The following METTL15 variants were observed in gnomAD, a reference collection of about 807,000 sequenced individuals.
METTL15 encodes methyltransferase 15, mitochondrial 12S rRNA N4-cytidine.
In METTL15, 34 loss-of-function variants were observed where a neutral mutation model predicts 38.3. The ratio of observed to expected loss-of-function variants is 0.89; its 90% CI spans 0.68 to 1.18. The LOEUF (loss-of-function observed/expected upper bound fraction) is 1.18, where lower values mean the gene tolerates loss of function less well. METTL15 is among the 50% of genes most tolerant of loss of function. The pLI is 0.00. For missense variants in METTL15, 438 were observed against 498.4 expected (o/e 0.88, Z 1.15); for synonymous variants, 162 against 170.9 (o/e 0.95, Z 0.41).
rs563036417 is a variant in METTL15 at position 28,399,278 on chromosome 11, C to T, written c.*359-25021C>T. On this transcript the variant is annotated intron_variant and NMD_transcript_variant, in intron 5 of 7. Coordinates refer to the METTL15 transcript ENST00000532947. Reference sequence around the variant, plus strand: ...AAACTGAAACTGGACCCCTTCCTTACACCTTACACAAAAATTAACTCAAGA... The same window carrying T: ...AAACTGAAACTGGACCCCTTCCTTATACCTTACACAAAAATTAACTCAAGA... Among the ~76,000 whole-genome samples the T allele has an allele frequency of 2.0e-4, 30 of 152,098 alleles. No homozygotes were observed. In the South Asian group the frequency reaches 6.0e-3, roughly 30 times the overall value.
At chr11:28,408,825 A>G (rs926271770) in intron 5 of METTL15, among the ~76,000 whole-genome samples, 3 of 152,182 alleles carry the variant, frequency 2.0e-5, no homozygotes, top group Admixed American at 1.3e-4. Context: ...TAAATTGATC[A>G]GGTATGTATC....
In METTL15 at chr11:28,202,662, A is replaced by C. The variant is rs184978980; in HGVS notation, c.271-8400A>C. Reference sequence around the variant, plus strand: ...GTGCTTGGCACATTTCAGTACTCCAAAATGAAACTAGTTGCAAATAGGTGA... The same window carrying C: ...GTGCTTGGCACATTTCAGTACTCCACAATGAAACTAGTTGCAAATAGGTGA... On this transcript the variant is annotated intron_variant, in intron 3 of 6. Transcript: ENST00000407364. Among the ~76,000 whole-genome samples, 3 of 152,242 alleles carry C rather than the reference A, an allele frequency of 2.0e-5. No homozygotes were observed. In the East Asian group the frequency reaches 5.8e-4, roughly 29 times the overall value.
chr11:28,342,044 C>G (rs1232513433), intron 3 of METTL15, among the ~76,000 whole-genome samples: 1 of 152,128 alleles, frequency 6.6e-6, no homozygotes, highest in African/African-American at 2.4e-5. Flanking sequence ...ACTTCAATGT[C>G]TGAAAGGTGT....
intron 5 of METTL15, among the ~76,000 whole-genome samples, chr11:28,399,258 G>T (rs1316406830): frequency 6.6e-6 from 1 of 151,974 alleles, no homozygotes; most frequent in African/African-American, 2.4e-5. Flanking sequence ...GCAGAAAACT[G>T]AAACTGGACC....
chr11:28,195,058 T>G (rs1851860913), intron 3 of METTL15, among the ~76,000 whole-genome samples: 1 of 152,122 alleles, frequency 6.6e-6, no homozygotes, highest in African/African-American at 2.4e-5. Flanking sequence ...TTGAGTGGTA[T>G]TCCATGGTAT....
intron 4 of METTL15, among the ~76,000 whole-genome samples, chr11:28,223,562 A>T (rs1200850760): frequency 6.6e-6 from 1 of 152,186 alleles, no homozygotes; most frequent in East Asian, 1.9e-4. Flanking sequence ...TTGAAGAAAC[A>T]TAGTAATTTT....
At chr11:28,204,375 C>G (rs1179725116) in intron 3 of METTL15, among the ~76,000 whole-genome samples, 1 of 150,600 alleles carries the variant, frequency 6.6e-6, no homozygotes, top group Non-Finnish European at 1.5e-5. Context: ...TTCACTTCCC[C>G]TAACTTACTA....
intron 4 of METTL15, among the ~76,000 whole-genome samples, chr11:28,226,473 A>G (rs1853482564): frequency 6.6e-6 from 1 of 151,978 alleles, no homozygotes; most frequent in South Asian, 2.1e-4. Flanking sequence ...CATATGATAT[A>G]ATATATTCTG....
intron 4 of METTL15, among the ~76,000 whole-genome samples, chr11:28,360,945 G>T (rs1850132860): frequency 6.6e-6 from 1 of 151,650 alleles, no homozygotes; most frequent in South Asian, 2.1e-4. Flanking sequence ...TACTGAGAAT[G>T]ATGATTTCCA....
chr11:28,400,066 G>C (rs542010095), intron 5 of METTL15, among the ~76,000 whole-genome samples: 1 of 151,668 alleles, frequency 6.6e-6, no homozygotes, highest in Non-Finnish European at 1.5e-5. Context: ...TCTTCTCCCC[G>C]TCCTCACATT....
intron 6 of METTL15, among the ~76,000 whole-genome samples, chr11:28,526,262 G>A (rs993363242): frequency 2.0e-5 from 3 of 152,232 alleles, no homozygotes; most frequent in East Asian, 1.9e-4. Context: ...AGGGCTCCCC[G>A]AGCATGGCCA....
chr11:28,184,411 C>T (rs1457965726), intron 3 of METTL15, among the ~76,000 whole-genome samples: 1 of 151,926 alleles, frequency 6.6e-6, no homozygotes, highest in Non-Finnish European at 1.5e-5. Context: ...CTATAAATTT[C>T]CCTCTACACA....
At chr11:28,309,909 C>T (rs1190084398) in intron 6 of METTL15, among the ~76,000 whole-genome samples, 2 of 152,078 alleles carry the variant, frequency 1.3e-5, no homozygotes, top group Non-Finnish European at 2.9e-5. Context: ...TACCATTGTT[C>T]ATCTGTTATT....
chr11:28,413,315 C>T (rs1850745424), intron 5 of METTL15, among the ~76,000 whole-genome samples: 1 of 152,082 alleles, frequency 6.6e-6, no homozygotes, highest in South Asian at 2.1e-4. Context: ...AGTATTCCTT[C>T]CCTAAATTTG....
intron 3 of METTL15, among the ~76,000 whole-genome samples, chr11:28,173,239 G>T (rs1019399644): frequency 1.8e-4 from 27 of 152,266 alleles, no homozygotes; most frequent in African/African-American, 6.0e-4. Context: ...CTTACCTCCA[G>T]TGTGATGGTA....
chr11:28,230,158 A>G (rs1211537975), intron 4 of METTL15, among the ~76,000 whole-genome samples: 1 of 151,932 alleles, frequency 6.6e-6, no homozygotes, highest in Non-Finnish European at 1.5e-5. Flanking sequence ...TATTTAGCTC[A>G]TTACTGACAT....
chr11:28,425,745 C>T (rs1850858264), intron 6 of METTL15, among the ~76,000 whole-genome samples: 1 of 152,040 alleles, frequency 6.6e-6, no homozygotes, highest in South Asian at 2.1e-4. Flanking sequence ...ATAGATGGTA[C>T]CTGTATATAT....
intron 3 of METTL15, among the ~76,000 whole-genome samples, chr11:28,349,439 TAAAGG>T (rs1850023666): frequency 6.6e-6 from 1 of 152,146 alleles, no homozygotes; most frequent in African/African-American, 2.4e-5. Context: ...ATTGTCTAAA[TAAAGG>T]AAAGGAAAGA....
chr11:28,437,465 T>C (rs1375375083), intron 6 of METTL15, among the ~76,000 whole-genome samples: 1 of 152,184 alleles, frequency 6.6e-6, no homozygotes, highest in African/African-American at 2.4e-5. Flanking sequence ...TAGCCAGATA[T>C]CCTTCAACTG....
Sources: gnomAD v4.1 joint callset for allele counts (sites outside exome capture counted in the v4.1 genomes callset) on GRCh38, gnomAD v4.1.1 for gene constraint, MANE v1.5 for transcripts, NCBI Gene and HGNC (gene_info 2026-07-23, HGNC 2026-07-21) for gene names.